Variants in NTNG1 observed in about 807,000 individuals in gnomAD.
The protein encoded by NTNG1 is netrin G1, also known as netrin-G1.
In NTNG1, 16 loss-of-function variants were observed where a neutral mutation model predicts 54.0. The ratio of observed to expected loss-of-function variants is 0.30; its 90% confidence interval spans 0.20 to 0.45. The LOEUF is 0.45. Ranked by LOEUF, NTNG1 falls within the 20% of genes least tolerant of loss-of-function variation. The probability of loss-of-function intolerance (pLI) is 1.00; values close to 1 mark genes in which losing one functional copy is unlikely to be tolerated. For synonymous variants in NTNG1, 255 were observed against 263.1 expected (o/e 0.97, Z 0.30); for missense variants, 530 against 678.7 (o/e 0.78, Z 2.43).
At chr1:107,320,343 C>A (rs1667579009) in intron 2 of NTNG1, among the ~76,000 whole-genome samples, 1 of 152,126 alleles carries the variant, frequency 6.6e-6, no homozygotes, top group Non-Finnish European at 1.5e-5. Flanking sequence ...TAATTACTTA[C>A]ACTTCCTGAT....
intron 7 of NTNG1, among the ~76,000 whole-genome samples, chr1:107,441,478 G>A (rs891202510): frequency 1.3e-5 from 2 of 152,140 alleles, no homozygotes; most frequent in African/African-American, 4.8e-5. Flanking sequence ...TTTGGAAGAT[G>A]CTAGAGCTGT....
chr1:107,446,294 T>G (rs1304569971), intron 7 of NTNG1, among the ~76,000 whole-genome samples: 1 of 152,034 alleles, frequency 6.6e-6, no homozygotes, highest in East Asian at 1.9e-4. Flanking sequence ...TTTAAAGGCT[T>G]TAAGAGCCAG....
intron 2 of NTNG1, among the ~76,000 whole-genome samples, chr1:107,208,430 C>A (rs200038312): frequency 5.7e-4 from 74 of 129,986 alleles, no homozygotes; most frequent in South Asian, 9.9e-4. Context: ...AACATCATCT[C>A]AAAAAAAAAA....
At chr1:107,413,710 A>T (rs1158650661) in intron 5 of NTNG1, among the ~76,000 whole-genome samples, 1 of 152,152 alleles carries the variant, frequency 6.6e-6, no homozygotes, top group East Asian at 1.9e-4. Flanking sequence ...AGGAAACTTA[A>T]TAAAAAAGCA....
intron 2 of NTNG1, among the ~76,000 whole-genome samples, chr1:107,166,715 T>C (rs1447481827): frequency 6.6e-6 from 1 of 152,092 alleles, no homozygotes; most frequent in Non-Finnish European, 1.5e-5. Flanking sequence ...ATGAAGATTA[T>C]CTGAAACAAT....
At chr1:107,248,923 C>A (rs1359792631) in intron 2 of NTNG1, among the ~76,000 whole-genome samples, 1 of 150,042 alleles carries the variant, frequency 6.7e-6, no homozygotes, top group Non-Finnish European at 1.5e-5. Flanking sequence ...CCAAGACAGG[C>A]GGATCATCTG....
chr1:107,406,854 A>C (rs185426162), intron 4 of NTNG1, among the ~76,000 whole-genome samples: 56 of 152,194 alleles, frequency 3.7e-4, no homozygotes, highest in Non-Finnish European at 2.9e-5. Flanking sequence ...GGTCAGTGAA[A>C]ATTTAGGAGT....
At chr1:107,329,373 AT>A (rs1206765953) in intron 3 of NTNG1, among the ~76,000 whole-genome samples, 1 of 152,174 alleles carries the variant, frequency 6.6e-6, no homozygotes, top group Non-Finnish European at 1.5e-5. Flanking sequence ...TATTCTTTGA[AT>A]GTCACTGCCT....
intron 3 of NTNG1, among the ~76,000 whole-genome samples, chr1:107,370,001 G>A (rs900807351): frequency 2.0e-5 from 3 of 152,032 alleles, no homozygotes; most frequent in Admixed American, 6.6e-5. Context: ...CCACTGAAGT[G>A]TCTTTGCATT....
intron 3 of NTNG1, among the ~76,000 whole-genome samples, chr1:107,387,058 A>T (rs945007623): frequency 3.9e-5 from 6 of 152,246 alleles, no homozygotes; most frequent in African/African-American, 1.4e-4. Context: ...TTCTTAAAAT[A>T]TCTATTCAGA....
chr1:107,347,715 C>T (rs111938120), intron 3 of NTNG1, among the ~76,000 whole-genome samples: 12 of 152,162 alleles, frequency 7.9e-5, no homozygotes, highest in Middle Eastern at 3.4e-3. Flanking sequence ...GAGATTTAAT[C>T]GACTCACAGT....
chr1:107,423,760 C>A (rs140107085), intron 5 of NTNG1, among the ~76,000 whole-genome samples: 2 of 152,272 alleles, frequency 1.3e-5, no homozygotes, highest in Non-Finnish European at 1.5e-5. Context: ...GAACTCTCAG[C>A]TAAAATAATC....
intron 7 of NTNG1, among the ~76,000 whole-genome samples, chr1:107,459,014 A>T (rs951046455): frequency 6.6e-6 from 1 of 152,150 alleles, no homozygotes; most frequent in Non-Finnish European, 1.5e-5. Flanking sequence ...GTCATTTTCC[A>T]TATGTATTGT....
chr1:107,252,887 A>G (rs964859189), intron 2 of NTNG1, among the ~76,000 whole-genome samples: 3 of 152,208 alleles, frequency 2.0e-5, no homozygotes, highest in South Asian at 2.1e-4. Context: ...TGGGTGGGGA[A>G]TATTACCATT....
chr1:107,192,142 A>G (rs1020030004), intron 2 of NTNG1, among the ~76,000 whole-genome samples: 1 of 152,102 alleles, frequency 6.6e-6, no homozygotes, highest in Non-Finnish European at 1.5e-5. Context: ...GAGGTCCTTG[A>G]CATCCCTTGT....
chr1:107,467,803 A>G (rs1397458998), intron 7 of NTNG1, among the ~76,000 whole-genome samples: 1 of 152,220 alleles, frequency 6.6e-6, no homozygotes, highest in Non-Finnish European at 1.5e-5. Flanking sequence ...AGAAATTTAA[A>G]TGTTTGGTCT....
chr1:107,356,823 C>T (rs1267676882), intron 3 of NTNG1, among the ~76,000 whole-genome samples: 2 of 151,904 alleles, frequency 1.3e-5, no homozygotes, highest in African/African-American at 4.8e-5. Context: ...GACAACATGG[C>T]AAAACACTGT....
chr1:107,204,795 G>A (rs991467547), intron 2 of NTNG1, among the ~76,000 whole-genome samples: 6 of 152,130 alleles, frequency 3.9e-5, no homozygotes, highest in South Asian at 2.1e-4. Context: ...CCTCCTACCC[G>A]CACCCCTGCA....
At chr1:107,151,467 C>G (rs1557763059) in intron 2 of NTNG1, among the ~76,000 whole-genome samples, 1 of 152,086 alleles carries the variant, frequency 6.6e-6, no homozygotes, top group South Asian at 2.1e-4. Context: ...TCATTATGGC[C>G]TATTACATCA....
Sources: gnomAD v4.1 joint callset for allele counts (sites outside exome capture counted in the v4.1 genomes callset) on GRCh38, gnomAD v4.1.1 for gene constraint, MANE v1.5 for transcripts, NCBI Gene and HGNC (gene_info 2026-07-23, HGNC 2026-07-21) for gene names.